NTN4: variants seen among roughly 807,000 people sequenced by gnomAD.
The protein encoded by NTN4 is netrin-4.
A neutral mutation model predicts 73.6 loss-of-function variants in NTN4; 32 were observed. The ratio of observed to expected loss-of-function variants is 0.44; its 90% CI spans 0.33 to 0.58. The LOEUF (loss-of-function observed/expected upper bound fraction) is 0.58, where lower values mean the gene tolerates loss of function less well. Among genes scored for constraint, NTN4 ranks in the 20% least tolerant of loss-of-function variants. The pLI is 0.04. For missense variants in NTN4, 654 were observed against 798.3 expected (o/e 0.82, Z 2.18); for synonymous variants, 258 against 287.5 (o/e 0.90, Z 1.04).
intron 5 of NTN4, among the ~76,000 whole-genome samples, chr12:95,688,024 C>A (rs1198390553): frequency 1.3e-5 from 2 of 152,108 alleles, no homozygotes; most frequent in Non-Finnish European, 2.9e-5. Context: ...TAATAGGATT[C>A]CAGGTTGTGG....
intron 7 of NTN4, chr12:95,672,876 G>A: frequency 7.4e-7 from 1 of 1,352,848 alleles, no homozygotes; most frequent in Non-Finnish European, 1.1e-6. Context: ...ACAGCCTCCG[G>A]GGCATTGTCA....
chr12:95,686,947 C>T (rs2078365719), intron 5 of NTN4, among the ~76,000 whole-genome samples: 1 of 152,212 alleles, frequency 6.6e-6, no homozygotes, highest in African/African-American at 2.4e-5. Context: ...ATCCCTTCTG[C>T]ATTTTACGTT....
chr12:95,750,163 C>T (rs542604509), intron 2 of NTN4, among the ~76,000 whole-genome samples: 6 of 150,732 alleles, frequency 4.0e-5, no homozygotes, highest in South Asian at 2.1e-4. Context: ...TTCTGTGCCC[C>T]GACCCCTTAT....
At chr12:95,756,172 A>C (rs1407860188) in intron 2 of NTN4, among the ~76,000 whole-genome samples, 1 of 152,204 alleles carries the variant, frequency 6.6e-6, no homozygotes, top group Non-Finnish European at 1.5e-5. Context: ...AGAGTTAGCC[A>C]TTCCTGGATT....
chr12:95,750,561 A>T (rs2078898542), intron 2 of NTN4, among the ~76,000 whole-genome samples: 1 of 152,202 alleles, frequency 6.6e-6, no homozygotes, highest in Admixed American at 6.5e-5. Context: ...TTCTTGTCGT[A>T]AAATAGGCAA....
chr12:95,758,600 G>A (rs75959833), intron 2 of NTN4, among the ~76,000 whole-genome samples: 2,629 of 151,800 alleles, frequency 0.017, 218 homozygotes, highest in Admixed American at 0.14. Context: ...TTGCCCTGTC[G>A]CTTGGGCTGG....
intron 9 of NTN4, among the ~76,000 whole-genome samples, chr12:95,661,882 C>A (rs1489877570): frequency 1.3e-5 from 2 of 152,122 alleles, no homozygotes; most frequent in African/African-American, 4.8e-5. Context: ...CTAGATATAA[C>A]GTGTGATCCT....
intron 2 of NTN4, among the ~76,000 whole-genome samples, chr12:95,750,231 C>A (rs1171241206): frequency 6.7e-6 from 1 of 150,256 alleles, no homozygotes; most frequent in African/African-American, 2.4e-5. Context: ...GCCCCGACCT[C>A]TTATCTCTGC....
chr12:95,780,769 A>G (rs1281960187), intron 2 of NTN4, among the ~76,000 whole-genome samples: 1 of 152,252 alleles, frequency 6.6e-6, no homozygotes, highest in African/African-American at 2.4e-5. Flanking sequence ...TAGAACTAGA[A>G]ATACCATTTG....
At chr12:95,734,890 T>C (rs892479038) in intron 3 of NTN4, among the ~76,000 whole-genome samples, 2 of 151,982 alleles carry the variant, frequency 1.3e-5, no homozygotes, top group Non-Finnish European at 2.9e-5. Flanking sequence ...AAATACAAAA[T>C]TGGCCAGGCG....
intron 5 of NTN4, among the ~76,000 whole-genome samples, chr12:95,690,070 G>A (rs552653706): frequency 5.9e-5 from 9 of 152,254 alleles, no homozygotes; most frequent in Middle Eastern, 3.4e-3. Context: ...GATAATGTAC[G>A]TCACTAGCAC....
chr12:95,743,682 A>G (rs988370010), intron 2 of NTN4, among the ~76,000 whole-genome samples: 15 of 152,140 alleles, frequency 9.9e-5, no homozygotes, highest in African/African-American at 3.1e-4. Context: ...ACTTAATTTC[A>G]TTGTGGTCAA....
intron 2 of NTN4, among the ~76,000 whole-genome samples, chr12:95,767,780 T>TGATA (rs143031770): frequency 0.016 from 2,501 of 152,242 alleles, 67 homozygotes; most frequent in African/African-American, 0.057. Flanking sequence ...CAGGAGGTGG[T>TGATA]GATAGATCTG....
intron 2 of NTN4, among the ~76,000 whole-genome samples, chr12:95,767,331 A>G (rs189799755): frequency 6.6e-6 from 1 of 152,218 alleles, no homozygotes; most frequent in East Asian, 1.9e-4. Context: ...GGAATATACT[A>G]TAATGAGGTA....
intron 9 of NTN4, 92 bp downstream of exon 9, chr12:95,665,718 A>C (rs1338023733): frequency 1.1e-6 from 1 of 947,180 alleles, no homozygotes. Context: ...GTTCTTGCTG[A>C]GTTTGTTTAT....
At chr12:95,765,254 G>A (rs893973480) in intron 2 of NTN4, among the ~76,000 whole-genome samples, 1 of 152,176 alleles carries the variant, frequency 6.6e-6, no homozygotes, top group Non-Finnish European at 1.5e-5. Flanking sequence ...AACTAAATAT[G>A]GAATGAAGAG....
chr12:95,720,782 C>G (rs1460742782), intron 3 of NTN4, among the ~76,000 whole-genome samples: 2 of 152,154 alleles, frequency 1.3e-5, no homozygotes, highest in Non-Finnish European at 2.9e-5. Context: ...TCCTGGAGAT[C>G]TATTGTAAGC....
intron 2 of NTN4, among the ~76,000 whole-genome samples, chr12:95,779,150 G>A (rs2079114862): frequency 6.6e-6 from 1 of 152,116 alleles, no homozygotes; most frequent in African/African-American, 2.4e-5. Flanking sequence ...GTATTGATGG[G>A]ACGTATCTCA....
chr12:95,738,975 T>C (rs1195791947), intron 2 of NTN4, among the ~76,000 whole-genome samples: 1 of 152,172 alleles, frequency 6.6e-6, no homozygotes, highest in Non-Finnish European at 1.5e-5. Flanking sequence ...CAGAACAAGA[T>C]GCAAGGTCCT....
Sources: gnomAD v4.1 joint callset for allele counts (sites outside exome capture counted in the v4.1 genomes callset) on GRCh38, gnomAD v4.1.1 for gene constraint, MANE v1.5 for transcripts, NCBI Gene and HGNC (gene_info 2026-07-23, HGNC 2026-07-21) for gene names.